The following AHR variants were observed in gnomAD, a reference collection of about 807,000 sequenced individuals.
AHR encodes AH-receptor.
AHR carries 40 observed loss-of-function variants against 86.8 expected under a neutral mutation model. That is an observed-to-expected ratio of 0.46 (90% CI 0.36 to 0.60). AHR has a LOEUF of 0.60. AHR is among the 20% of genes least tolerant of loss of function. The pLI, the probability that AHR is intolerant of heterozygous loss-of-function variation, is 0.00. For missense variants in AHR, 1,001 were observed against 1,011.6 expected (o/e 0.99, Z 0.14); for synonymous variants, 398 against 354.9 (o/e 1.12, Z -1.37).
intron 6 of AHR, among the ~76,000 whole-genome samples, chr7:17,333,425 A>G (rs1782321158): frequency 6.6e-6 from 1 of 151,928 alleles, no homozygotes; most frequent in African/African-American, 2.4e-5. Flanking sequence ...CATTCTTTAT[A>G]TGTTTTCATG....
At position 17,321,246 on chromosome 7, in the gene AHR, A is replaced by T. The variant is rs532500662; in HGVS notation, c.254-1255A>T. ...CCAAGCAATCCATAAGCTCTGAGAA[A>T]TATTTCTACTAATTACAGCTACTGT... On this transcript the variant is annotated intron_variant, in intron 2 of 10. Coordinates refer to ENST00000242057, the MANE Select transcript of AHR (RefSeq NM_001621.5). Among the ~76,000 whole-genome samples, 5 of 152,212 alleles carry T rather than the reference A, an allele frequency of 3.3e-5. No individual in the cohort carries two copies. The South Asian group carries it at 1.0e-3, about 32-fold the overall frequency.
rs1382585088 is a variant in AHR at position 17,339,170 on chromosome 7, G to C, written c.1345G>C (p.Asp449His). Residue 449 changes from aspartate to histidine, a missense_variant, in exon 10 of 11, where the codon GAC becomes CAC. Physicochemically the swap from Asp to His is moderately conservative, Grantham distance 81. Transcript: ENST00000242057. Reference sequence around the variant, plus strand: ...TGCTACCACATCCACTCTAAGCAAGGACTCTCTCAATCCTAGTTCCCTCCT... The same window carrying C: ...TGCTACCACATCCACTCTAAGCAAGCACTCTCTCAATCCTAGTTCCCTCCT... Reference protein sequence around the residue: ...DSATTSTLSKDSLNPSSLLAA... With the variant: ...DSATTSTLSKHSLNPSSLLAA... 1.9e-6 allele frequency: 3 copies of C among 1,614,004 alleles called. No homozygotes were observed. In the South Asian group the frequency reaches 3.3e-5, roughly 18 times the overall value.
chr7:17,329,866 C>G (rs1179062106), intron 4 of AHR, 86 bp from the exon 5 acceptor site: 3 of 1,213,586 alleles, frequency 2.5e-6, no homozygotes, highest in South Asian at 1.5e-5. Flanking sequence ...AGCAAGCACC[C>G]ACTAATCTAA....
At chr7:17,337,479 T>G (rs1408809740) in intron 9 of AHR, among the ~76,000 whole-genome samples, 2 of 149,442 alleles carry the variant, frequency 1.3e-5, no homozygotes, top group East Asian at 1.9e-4. Context: ...TCTTTCTGTT[T>G]TTTTTTTTTT....
intron 1 of AHR, among the ~76,000 whole-genome samples, chr7:17,304,008 C>T (rs1379520551): frequency 6.6e-6 from 1 of 152,068 alleles, no homozygotes; most frequent in Non-Finnish European, 1.5e-5. Flanking sequence ...CTTGTATTTG[C>T]AGATTTTCTA....
At chr7:17,335,054 G>A in intron 8 of AHR, 58 bp downstream of exon 8, 3 of 1,270,570 alleles carry the variant, frequency 2.4e-6, no homozygotes. Context: ...TGTTGTACAT[G>A]TTTCAAATTC....
chr7:17,302,854 A>G (rs1781968339), intron 1 of AHR, among the ~76,000 whole-genome samples: 1 of 151,880 alleles, frequency 6.6e-6, no homozygotes, highest in South Asian at 2.1e-4. Flanking sequence ...AAAGATACAA[A>G]TGAAACAGAA....
In AHR at chr7:17,299,426, T is replaced by G. The variant is rs1781931001; in HGVS notation, c.65+97T>G. 4.4e-6 allele frequency: 6 copies of G among 1,370,040 alleles called. No individual in the cohort carries two copies. The East Asian group carries it at 7.9e-5, about 18-fold the overall frequency. 84.9% of individuals were successfully genotyped at this position (1,370,040 alleles called of 1,614,324 possible). Reference sequence around the variant, plus strand: ...CCCCGCCCCCAAATCCCTGCGATCCTGGGATTAGGTCCATTCCCGGCACTG... The same window carrying G: ...CCCCGCCCCCAAATCCCTGCGATCCGGGGATTAGGTCCATTCCCGGCACTG... On this transcript the variant is annotated intron_variant, in intron 1 of 10. Coordinates refer to ENST00000242057, the MANE Select transcript of AHR (RefSeq NM_001621.5).
intron 3 of AHR, among the ~76,000 whole-genome samples, chr7:17,326,596 T>C (rs1782232956): frequency 6.6e-6 from 1 of 152,210 alleles, no homozygotes; most frequent in Non-Finnish European, 1.5e-5. Flanking sequence ...CTTATTACAC[T>C]GAGTGCTGGC....
chr7:17,334,611 ACC>A (rs1337885024), intron 7 of AHR, among the ~76,000 whole-genome samples: 4 of 152,028 alleles, frequency 2.6e-5, no homozygotes, highest in Admixed American at 6.6e-5. Context: ...ATGTTCTGTT[ACC>A]CATACATCTG....
At chr7:17,335,828 C>T in intron 9 of AHR, 42 bp downstream of exon 9, 1 of 1,578,304 alleles carries the variant, frequency 6.3e-7, no homozygotes, top group South Asian at 1.2e-5. Context: ...GTTTTGTTTT[C>T]ATAAGTCCTC....
Position 17,345,699 on chromosome 7 carries a change from C to T in AHR, c.*2635C>T, listed in dbSNP as rs1782475744. The T allele has an allele frequency of 6.6e-6, 1 of 152,422 alleles. No homozygotes were observed. The highest frequency in any genetic ancestry group is 6.6e-5 in the Admixed American group (1 of 15,266). The allele number at this position is 152,422 out of a possible 1,614,324, so 9.4% of individuals were successfully genotyped here. On this transcript the variant is annotated 3_prime_UTR_variant, in exon 11 of 11. Coordinates refer to ENST00000242057, the MANE Select transcript of AHR (RefSeq NM_001621.5). Reference sequence around the variant, plus strand: ...GTTATAAAATTAAAAGTTTGAAAAGCAATATTGTATATTTTTATCTATATA... The same window carrying T: ...GTTATAAAATTAAAAGTTTGAAAAGTAATATTGTATATTTTTATCTATATA...
intron 1 of AHR, among the ~76,000 whole-genome samples, chr7:17,306,963 A>C (rs908533733): frequency 1.3e-5 from 2 of 152,184 alleles, no homozygotes; most frequent in Non-Finnish European, 2.9e-5. Context: ...CATAGAAATA[A>C]GGGTGTTAGG....
rs771391655 is a variant in AHR, at chr7:17,334,868, C to CT, written c.909-12dup. On this transcript the variant is annotated intron_variant, in intron 7 of 10. Coordinates refer to ENST00000242057, the MANE Select transcript of AHR (RefSeq NM_001621.5). Reference sequence around the variant, plus strand: ...AAATCTTAATCCATTCTTATTTTACCTTTTTTTATTTTAAACAGAGGAAGA... The same window carrying CT: ...AAATCTTAATCCATTCTTATTTTACCTTTTTTTTATTTTAAACAGAGGAAGA... The CT allele has an allele frequency of 3.9e-6, 6 of 1,541,260 alleles. No individual in the cohort carries two copies. Among genetic ancestry groups the CT allele is most frequent in the Admixed American group, 3.7e-5 (2 of 54,788 alleles).
Position 17,335,755 on chromosome 7 carries a change from G to A in AHR, c.1129G>A (p.Asp377Asn). ...CCTGCTTTATAAAAATGGAAGACCAGATTATATCATTGTAACTCAGAGACC... is the reference window on the plus strand; with the variant it reads ...CCTGCTTTATAAAAATGGAAGACCAAATTATATCATTGTAACTCAGAGACC... ...ARLLYKNGRP[D>N]YIIVTQRPLT... is the part of the protein sequence containing the mutation. Residue 377 changes from aspartate to asparagine, a missense_variant, in exon 9 of 11, where the codon GAT becomes AAT. Asp to Asn is a conservative substitution (Grantham distance 23). Transcript: ENST00000242057. 1 of 1,613,082 alleles carries A rather than the reference G, an allele frequency of 6.2e-7. No homozygotes were observed. Among genetic ancestry groups the A allele is most frequent in the Non-Finnish European group, 8.5e-7 (1 of 1,179,488 alleles).
chr7:17,340,994 CATA>C, intron 10 of AHR, among the ~76,000 whole-genome samples: 1 of 152,078 alleles, frequency 6.6e-6, no homozygotes, highest in Admixed American at 6.6e-5. Flanking sequence ...AAAAAGTTAA[CATA>C]ATGTCAGTAA....
At position 17,335,756 on chromosome 7, in the gene AHR, A is replaced by G. The variant is rs1782348379; in HGVS notation, c.1130A>G (p.Asp377Gly). 6.2e-7 allele frequency: 1 copy of G among 1,613,048 alleles called. No individual in the cohort carries two copies. The highest frequency in any genetic ancestry group is 8.5e-7 in the Non-Finnish European group (1 of 1,179,508). Residue 377 changes from aspartate to glycine, a missense_variant, in exon 9 of 11, where the codon GAT becomes GGT. This residue lies in a region of AHR where 394 missense variants were observed against 468.5 expected (regional missense o/e 0.84). Coordinates refer to ENST00000242057, the MANE Select transcript of AHR (RefSeq NM_001621.5). ...CTGCTTTATAAAAATGGAAGACCAG[A>G]TTATATCATTGTAACTCAGAGACCA... ...ARLLYKNGRP[D>G]YIIVTQRPLT...
intron 1 of AHR, among the ~76,000 whole-genome samples, chr7:17,301,985 T>C (rs749343803): frequency 3.9e-5 from 6 of 151,988 alleles, no homozygotes; most frequent in African/African-American, 7.2e-5. Flanking sequence ...CCTGTGTTTA[T>C]TTTATTCTCT....
rs372109927 is a variant in AHR, at chr7:17,340,171, C to T, written c.2346C>T (p.His782=). ...GCCAGCCAGAACCTCAGCACACCCA[C>T]GTGGGTCAGATGCAGTACAATCCAG... ...YQCQPEPQHT[H]VGQMQYNPVL... Residue 782 remains histidine (H), a synonymous_variant, in exon 10 of 11, where the codon CAC becomes CAT. Transcript: ENST00000242057. The T allele has an allele frequency of 3.8e-5, 61 of 1,614,184 alleles. No homozygotes were observed. The Admixed American group carries it at 8.3e-4, about 22-fold the overall frequency.
Sources: gnomAD v4.1 joint callset for allele counts (sites outside exome capture counted in the v4.1 genomes callset) on GRCh38, gnomAD v4.1.1 for gene constraint, gnomAD v4.1.1 regional missense constraint, MANE v1.5 for transcripts, NCBI Gene and HGNC (gene_info 2026-07-23, HGNC 2026-07-21) for gene names.